Variants in NUDCD1 observed in about 807,000 individuals in gnomAD.
The protein encoded by NUDCD1 is nudC domain-containing protein 1.
In NUDCD1, 60 loss-of-function variants were observed where a neutral mutation model predicts 67.8. That is an observed-to-expected ratio of 0.88 (90% CI 0.72 to 1.10). NUDCD1 has a LOEUF of 1.10. Ranked by LOEUF, NUDCD1 falls within the 50% of genes least tolerant of loss-of-function variation. The pLI is 0.00. For missense variants in NUDCD1, 643 were observed against 695.0 expected, an observed-to-expected ratio of 0.93 and a Z score of 0.84; for synonymous variants, 244 against 230.8, an observed-to-expected ratio of 1.06 and a Z score of -0.52.
In NUDCD1 at chr8:109,313,541, T is replaced by C. The variant is rs535685771; in HGVS notation, c.273+8768A>G. ...GAAAATTTTCCCCTTTTGCTTCAAATACATTACTATTTTAAGACTGAGCAA... is the reference window on the plus strand; with the variant it reads ...GAAAATTTTCCCCTTTTGCTTCAAACACATTACTATTTTAAGACTGAGCAA... On this transcript the variant is annotated intron_variant, in intron 2 of 9. Transcript: ENST00000239690. Among the ~76,000 whole-genome samples the C allele has an allele frequency of 4.1e-4, 62 of 152,290 alleles. 2 individuals are homozygous for C. Among genetic ancestry groups the C allele is most frequent in the Admixed American group, 3.7e-3 (56 of 15,304 alleles).
At chr8:109,299,347 G>C (rs1038132963) in intron 2 of NUDCD1, among the ~76,000 whole-genome samples, 3 of 152,166 alleles carry the variant, frequency 2.0e-5, no homozygotes, top group Non-Finnish European at 4.4e-5. Context: ...GAGACAGGTA[G>C]CCTGGGGCAA....
intron 8 of NUDCD1, among the ~76,000 whole-genome samples, chr8:109,251,211 T>C (rs938430329): frequency 6.7e-6 from 1 of 150,154 alleles, no homozygotes; most frequent in African/African-American, 2.5e-5. Context: ...TCTCGCTCTG[T>C]CGCCCAGGCT....
At chr8:109,275,133 C>T (rs184921100) in intron 7 of NUDCD1, among the ~76,000 whole-genome samples, 2 of 152,130 alleles carry the variant, frequency 1.3e-5, no homozygotes, top group African/African-American at 4.8e-5. Flanking sequence ...CAGGCAAACC[C>T]TCTATACAGT....
chr8:109,318,164 C>T (rs1010377957), intron 2 of NUDCD1, among the ~76,000 whole-genome samples: 2 of 152,156 alleles, frequency 1.3e-5, no homozygotes, highest in African/African-American at 2.4e-5. Flanking sequence ...ACCAACTACC[C>T]TACCTCCCTA....
chr8:109,257,627 GA>G (rs890733030), intron 8 of NUDCD1, among the ~76,000 whole-genome samples: 12 of 150,578 alleles, frequency 8.0e-5, no homozygotes, highest in Admixed American at 2.0e-4. Flanking sequence ...ACCTATTTAG[GA>G]AAAAAAAATC....
At chr8:109,313,510 G>T (rs1234240806) in intron 2 of NUDCD1, among the ~76,000 whole-genome samples, 1 of 152,118 alleles carries the variant, frequency 6.6e-6, no homozygotes, top group African/African-American at 2.4e-5. Context: ...GAGATCAGGA[G>T]TATGAGAAAA....
chr8:109,304,505 A>G (rs1431201478), intron 2 of NUDCD1, among the ~76,000 whole-genome samples: 1 of 152,152 alleles, frequency 6.6e-6, no homozygotes, highest in East Asian at 1.9e-4. Context: ...ACTACCTCTC[A>G]GCAAGCTGAA....
Position 109,266,451 on chromosome 8 carries a change from A to C in NUDCD1, c.1299+4554T>G, listed in dbSNP as rs563147659. Among the ~76,000 whole-genome samples the C allele has an allele frequency of 6.3e-4, 78 of 123,850 alleles. 2 individuals carry two copies. The highest frequency in any genetic ancestry group is 7.7e-3 in the Middle Eastern group (1 of 130). 81.3% of individuals were successfully genotyped at this position (123,850 alleles called of 152,430 possible). ...AGTAGAGATGGGGTTTCACTGTGTT[A>C]GCCAGGATGGTCTCGATTTCCTGAC... On this transcript the variant is annotated intron_variant, in intron 8 of 9. Transcript: ENST00000239690.
chr8:109,273,743 T>C (rs989936290), intron 7 of NUDCD1, among the ~76,000 whole-genome samples: 2 of 152,216 alleles, frequency 1.3e-5, no homozygotes, highest in Middle Eastern at 3.4e-3. Context: ...CCAAACATTT[T>C]AAGACATAAC....
intron 1 of NUDCD1, 61 bp from the exon 2 acceptor site, chr8:109,322,524 GT>G: frequency 2.2e-6 from 3 of 1,350,128 alleles, no homozygotes; most frequent in Non-Finnish European, 3.1e-6. Context: ...GTTTCTATCT[GT>G]AGAATGCCTA....
chr8:109,250,458 G>C (rs1016799801), intron 8 of NUDCD1, among the ~76,000 whole-genome samples: 1 of 152,248 alleles, frequency 6.6e-6, no homozygotes, highest in South Asian at 2.1e-4. Context: ...AGAATCTCTT[G>C]ATAGCTGTTT....
At chr8:109,315,895 C>G (rs1181990656) in intron 2 of NUDCD1, 2 of 152,160 alleles carry the variant, frequency 1.3e-5, no homozygotes, top group African/African-American at 4.8e-5. Context: ...GATGAACATA[C>G]TGACATAAAA....
At chr8:109,270,262 G>A (rs1054796459) in intron 8 of NUDCD1, among the ~76,000 whole-genome samples, 1 of 151,570 alleles carries the variant, frequency 6.6e-6, no homozygotes, top group Non-Finnish European at 1.5e-5. Flanking sequence ...ATACAAATTG[G>A]TAAGAAACAC....
chr8:109,245,410 C>T lies in NUDCD1; in HGVS notation c.1371G>A (p.Leu457=), dbSNP rs545338782. 11 of 1,613,512 alleles carry T rather than the reference C, an allele frequency of 6.8e-6. No homozygotes were observed. The African/African-American group carries it at 1.5e-4, about 22-fold the overall frequency. ...AGAGTAGGGCATCAACATCATGGCG[C>T]AAACAGAAGCAGGGCATTTCTTTAG... ...VDPKEMPCFC[L]RHDVDALLWQ... The change falls in exon 9 of 10, where the codon TTG becomes TTA. Residue 457 remains leucine, a synonymous_variant. Coordinates refer to ENST00000239690, the MANE Select transcript of NUDCD1 (RefSeq NM_032869.4).
intron 5 of NUDCD1, among the ~76,000 whole-genome samples, chr8:109,282,447 T>C (rs1482405921): frequency 6.6e-6 from 1 of 151,080 alleles, no homozygotes; most frequent in African/African-American, 2.4e-5. Context: ...TCACACCCCC[T>C]AGAGAGGGAA....
intron 2 of NUDCD1, among the ~76,000 whole-genome samples, chr8:109,306,200 C>T (rs1246656903): frequency 6.6e-6 from 1 of 152,170 alleles, no homozygotes; most frequent in African/African-American, 2.4e-5. Context: ...CTGGTACTAG[C>T]CCCAATCCAC....
At chr8:109,319,703 T>C (rs755240116) in intron 2 of NUDCD1, among the ~76,000 whole-genome samples, 2 of 152,190 alleles carry the variant, frequency 1.3e-5, no homozygotes, top group Non-Finnish European at 2.9e-5. Context: ...GAATGTAGTA[T>C]ACAAAGTGCT....
chr8:109,268,825 G>A (rs1422574518), intron 8 of NUDCD1, among the ~76,000 whole-genome samples: 5 of 152,136 alleles, frequency 3.3e-5, no homozygotes, highest in African/African-American at 1.2e-4. Flanking sequence ...GTAATAAAAA[G>A]AAGAGCAGCT....
At chr8:109,310,549 T>C (rs1171309042) in intron 2 of NUDCD1, among the ~76,000 whole-genome samples, 1 of 152,242 alleles carries the variant, frequency 6.6e-6, no homozygotes, top group African/African-American at 2.4e-5. Context: ...CTTCTAGACA[T>C]TGGCTAAGGC....
Sources: gnomAD v4.1 joint callset for allele counts (sites outside exome capture counted in the v4.1 genomes callset) on GRCh38, gnomAD v4.1.1 for gene constraint, MANE v1.5 for transcripts, NCBI Gene and HGNC (gene_info 2026-07-23, HGNC 2026-07-21) for gene names.